CDYL2: variants seen among roughly 807,000 people sequenced by gnomAD.
CDYL2 encodes chromodomain Y like 2.
In CDYL2, 23 loss-of-function variants were observed where a neutral mutation model predicts 49.4. That is an observed-to-expected ratio of 0.47 (90% CI 0.34 to 0.66). CDYL2 has a LOEUF of 0.66. Among genes scored for constraint, CDYL2 ranks in the 30% least tolerant of loss-of-function variants. The pLI is 0.01. For synonymous variants in CDYL2, 360 were observed against 268.8 expected, an observed-to-expected ratio of 1.34 and a Z score of -3.32; for missense variants, 678 against 656.4, an observed-to-expected ratio of 1.03 and a Z score of -0.36.
intron 1 of CDYL2, among the ~76,000 whole-genome samples, chr16:80,772,838 A>C (rs913637982): frequency 6.6e-6 from 1 of 151,874 alleles, no homozygotes; most frequent in African/African-American, 2.4e-5. Context: ...AAAATAACAG[A>C]AAAAATGGAA....
intron 1 of CDYL2, among the ~76,000 whole-genome samples, chr16:80,773,012 A>G (rs1235229528): frequency 6.6e-6 from 1 of 152,192 alleles, no homozygotes; most frequent in Non-Finnish European, 1.5e-5. Flanking sequence ...TAAAACATAA[A>G]GGTTATCAGA....
chr16:80,632,411 G>T (rs951051705), intron 3 of CDYL2, among the ~76,000 whole-genome samples: 1 of 150,384 alleles, frequency 6.6e-6, no homozygotes, highest in Non-Finnish European at 1.5e-5. Flanking sequence ...GGGCATGGGA[G>T]AAAGGAGAAT....
chr16:80,672,085 G>A (rs1028806052), intron 2 of CDYL2, among the ~76,000 whole-genome samples: 5 of 152,070 alleles, frequency 3.3e-5, no homozygotes, highest in African/African-American at 1.2e-4. Flanking sequence ...ATAATTGAAT[G>A]CTCCAATGAG....
intron 5 of CDYL2, 81 bp from the exon 6 acceptor site, chr16:80,608,316 C>A: frequency 7.1e-7 from 1 of 1,407,822 alleles, no homozygotes; most frequent in South Asian, 1.5e-5. Context: ...TTGCCACCTG[C>A]AACCATCCCA....
chr16:80,649,824 G>A (rs1462548479), intron 2 of CDYL2, among the ~76,000 whole-genome samples: 1 of 152,050 alleles, frequency 6.6e-6, no homozygotes, highest in Admixed American at 6.6e-5. Flanking sequence ...CACCTACAGT[G>A]AACCCATTTT....
At chr16:80,679,081 G>C (rs1432648866) in intron 2 of CDYL2, among the ~76,000 whole-genome samples, 1 of 131,504 alleles carries the variant, frequency 7.6e-6, no homozygotes, top group East Asian at 2.3e-4. Flanking sequence ...ATGGACACAG[G>C]AAGGGGAACA....
chr16:80,694,306 G>A (rs896373219), intron 1 of CDYL2, among the ~76,000 whole-genome samples: 8 of 152,196 alleles, frequency 5.3e-5, no homozygotes, highest in East Asian at 1.9e-4. Flanking sequence ...TGTGTGGCCC[G>A]GTTCCTAACA....
intron 4 of CDYL2, among the ~76,000 whole-genome samples, chr16:80,616,901 A>C (rs113526458): frequency 6.6e-6 from 1 of 152,336 alleles, no homozygotes; most frequent in African/African-American, 2.4e-5. Flanking sequence ...TGGATGAGCT[A>C]ATAGGCACAG....
In CDYL2 at chr16:80,752,970, T is replaced by G. The variant is rs139604673; in HGVS notation, c.24+51180A>C. Among the ~76,000 whole-genome samples, 33 of 152,294 alleles carry G rather than the reference T, an allele frequency of 2.2e-4. 1 individual carries two copies. The East Asian group carries it at 6.0e-3, about 28-fold the overall frequency. On this transcript the variant is annotated intron_variant, in intron 1 of 6. Coordinates refer to ENST00000570137, the MANE Select transcript of CDYL2 (RefSeq NM_152342.4). Reference sequence around the variant, plus strand: ...GATGAGGGGCAACAGAAAGAATATGTGAGTTGATTTAAATGAACATTTGTT... The same window carrying G: ...GATGAGGGGCAACAGAAAGAATATGGGAGTTGATTTAAATGAACATTTGTT...
chr16:80,723,100 AC>A (rs936283324), intron 1 of CDYL2, among the ~76,000 whole-genome samples: 87 of 152,314 alleles, frequency 5.7e-4, no homozygotes, highest in African/African-American at 1.7e-3. Context: ...TGTACCCACC[AC>A]AGGCACCTCC....
intron 1 of CDYL2, among the ~76,000 whole-genome samples, chr16:80,711,637 C>T (rs148842466): frequency 6.6e-6 from 1 of 152,130 alleles, no homozygotes; most frequent in East Asian, 1.9e-4. Context: ...CCTCTCTGAG[C>T]CTTCCTTTCA....
At chr16:80,688,538 C>T (rs911636391) in intron 1 of CDYL2, among the ~76,000 whole-genome samples, 1 of 152,174 alleles carries the variant, frequency 6.6e-6, no homozygotes, top group Non-Finnish European at 1.5e-5. Context: ...GTTTCACCCC[C>T]AATTTAAAAA....
intron 1 of CDYL2, among the ~76,000 whole-genome samples, chr16:80,700,123 T>A (rs925480604): frequency 6.6e-6 from 1 of 152,210 alleles, no homozygotes; most frequent in Non-Finnish European, 1.5e-5. Flanking sequence ...CCTCCCAAAG[T>A]GCTGGGATTA....
At chr16:80,734,623 G>C (rs1300469166) in intron 1 of CDYL2, among the ~76,000 whole-genome samples, 1 of 151,974 alleles carries the variant, frequency 6.6e-6, no homozygotes, top group Non-Finnish European at 1.5e-5. Flanking sequence ...AAAGGCATGG[G>C]GCTTGAACTT....
At chr16:80,616,667 A>C (rs1906840025) in intron 4 of CDYL2, among the ~76,000 whole-genome samples, 1 of 152,116 alleles carries the variant, frequency 6.6e-6, no homozygotes. Flanking sequence ...CTTAGTCTCC[A>C]ACCCACCCCT....
chr16:80,608,862 G>T (rs995872244), intron 5 of CDYL2, among the ~76,000 whole-genome samples: 1 of 152,176 alleles, frequency 6.6e-6, no homozygotes, highest in African/African-American at 2.4e-5. Flanking sequence ...CCCCAGCCCT[G>T]TCTCCCCAAG....
chr16:80,729,428 C>G (rs1905259133), intron 1 of CDYL2, among the ~76,000 whole-genome samples: 2 of 152,180 alleles, frequency 1.3e-5, no homozygotes, highest in African/African-American at 4.8e-5. Context: ...GCATCCAATA[C>G]AGGAGCACCC....
In CDYL2 at chr16:80,750,702, AC is replaced by A. The variant is rs202059055; in HGVS notation, c.24+53447del. On this transcript the variant is annotated intron_variant, in intron 1 of 6. Transcript: ENST00000570137. ...GAACAACTATGAAGGGAGAGAGAGT[AC>A]TATGTCCAAATGATTTTATTAATAA... Among the ~76,000 whole-genome samples, 132 of 152,318 alleles carry A rather than the reference AC, an allele frequency of 8.7e-4. 1 individual carries two copies. The East Asian group carries it at 0.023, about 26-fold the overall frequency.
intron 1 of CDYL2, among the ~76,000 whole-genome samples, chr16:80,694,134 C>G (rs533335445): frequency 1.8e-4 from 27 of 152,348 alleles, no homozygotes; most frequent in African/African-American, 6.3e-4. Context: ...CTCAGATCAT[C>G]AGGCATTAGT....
Sources: allele counts gnomAD v4.1 joint callset (sites outside exome capture counted in the v4.1 genomes callset), GRCh38; gene constraint gnomAD v4.1.1; transcripts MANE v1.5; gene names NCBI Gene and HGNC (gene_info 2026-07-23, HGNC 2026-07-21).